RFC5: variants seen among roughly 807,000 people sequenced by gnomAD.
The protein encoded by RFC5 is A1 36 kDa subunit.
In RFC5, 26 loss-of-function variants were observed where a neutral mutation model predicts 44.3. The ratio of observed to expected loss-of-function variants is 0.59; its 90% CI spans 0.43 to 0.81. The LOEUF is 0.81. RFC5 is among the 40% of genes least tolerant of loss of function. The pLI, the probability that RFC5 is intolerant of heterozygous loss-of-function variation, is 0.00. For synonymous variants in RFC5, 155 were observed against 155.2 expected, an observed-to-expected ratio of 1.00 and a Z score of 0.01; for missense variants, 328 against 418.6, an observed-to-expected ratio of 0.78 and a Z score of 1.89.
chr12:118,022,479 T>C, intron 5 of RFC5, 120 bp downstream of exon 5: 1 of 702,176 alleles, frequency 1.4e-6, no homozygotes, highest in South Asian at 1.7e-5. Context: ...TTTTTTCTTT[T>C]TTTGAGTCAG....
At chr12:118,038,585 T>A in the RFC5 span, among the ~76,000 whole-genome samples, 2 of 152,188 alleles carry the variant, frequency 1.3e-5, no homozygotes, top group Non-Finnish European at 1.5e-5. Context: ...AATCTATGAA[T>A]ATGATATTCT....
chr12:118,017,836 TG>T (rs1217912562), intron 1 of RFC5: 1 of 672,912 alleles, frequency 1.5e-6, no homozygotes, highest in East Asian at 2.8e-5. Flanking sequence ...AAGCCCATCC[TG>T]TAACCATTTT....
At chr12:118,017,741 G>A in intron 1 of RFC5, 1 of 674,892 alleles carries the variant, frequency 1.5e-6, no homozygotes, top group South Asian at 1.5e-5. Flanking sequence ...TGTGATCACA[G>A]CTCAGTGTAA....
Position 118,019,543 on chromosome 12 carries a change from TGAA to T in RFC5, c.131-86_131-84del. On this transcript the variant is annotated intron_variant, in intron 2 of 10. Coordinates refer to ENST00000454402, the MANE Select transcript of RFC5 (RefSeq NM_007370.7). This position sits in a 1 kb window ranked among gnomAD's most constrained non-coding sequence, Gnocchi z 4.2. ...CTCTGATTTGGACATTGAATTGGGTTGAAGAGCTTTCAGCCCAACTCAGGAGCC... is the reference window on the plus strand; with the variant it reads ...CTCTGATTTGGACATTGAATTGGGTTGAGCTTTCAGCCCAACTCAGGAGCC... 6.8e-7 allele frequency: 1 copy of T among 1,468,496 alleles called. No individual in the cohort carries two copies. The highest frequency in any genetic ancestry group is 9.4e-7 in the Non-Finnish European group (1 of 1,064,160). 91.0% of individuals were successfully genotyped at this position (1,468,496 alleles called of 1,614,324 possible).
chr12:118,021,822 TG>T (rs1172950529), intron 4 of RFC5, among the ~76,000 whole-genome samples: 1 of 151,524 alleles, frequency 6.6e-6, no homozygotes, highest in African/African-American at 2.4e-5. Context: ...CTGGGCATGG[TG>T]GTGGGCGCCT....
chr12:118,021,094 T>C (rs1332243486), intron 4 of RFC5, 109 bp downstream of exon 4: 1 of 604,478 alleles, frequency 1.7e-6, no homozygotes, highest in African/African-American at 1.9e-5. Context: ...AAAAAAAAAG[T>C]GACTTTGTCC....
chr12:118,018,173 A>C (rs1442412166), intron 1 of RFC5: 2 of 584,426 alleles, frequency 3.4e-6, no homozygotes, highest in South Asian at 2.2e-5. Flanking sequence ...TTATGGCTGA[A>C]TCATATTCCA....
chr12:118,018,132 G>A (rs776341998), intron 1 of RFC5: 49 of 636,436 alleles, frequency 7.7e-5, no homozygotes, highest in Non-Finnish European at 1.3e-4. Flanking sequence ...GTTCATGCAT[G>A]TTGCTGCTTG....
intron 6 of RFC5, 173 bp downstream of exon 6, chr12:118,025,183 G>T: frequency 1.9e-6 from 1 of 519,170 alleles, no homozygotes; most frequent in Non-Finnish European, 3.3e-6. Flanking sequence ...CTGTCTCAAG[G>T]CCATTCCTCA....
At chr12:118,034,509 T>C (rs2031454054), downstream of RFC5, 3 of 975,094 alleles carry the variant, frequency 3.1e-6, no homozygotes, top group South Asian at 1.8e-5. Flanking sequence ...TGTAAAATTG[T>C]GGTGCTGAAT....
At chr12:118,039,877 G>A in the RFC5 span, among the ~76,000 whole-genome samples, 1 of 151,706 alleles carries the variant, frequency 6.6e-6, no homozygotes, top group Non-Finnish European at 1.5e-5. Context: ...CCGAGTAGCT[G>A]GGATTACAGG....
Position 118,026,936 on chromosome 12 carries a change from C to T in RFC5, c.711C>T (p.Thr237=), listed in dbSNP as rs1253875416. 1 of 1,614,078 alleles carries T rather than the reference C, an allele frequency of 6.2e-7. No individual in the cohort carries two copies. The highest frequency in any genetic ancestry group is 8.5e-7 in the Non-Finnish European group (1 of 1,179,996). ...AGGTGACAGAGGAGACTGTCTACAC[C>T]TGCACCGGGCACCCGCTCAAGTCAG... ...FGKVTEETVY[T]CTGHPLKSDI... is the part of the protein sequence containing the mutation. The change falls in exon 8 of 11, where the codon ACC becomes ACT. Residue 237 remains threonine, a synonymous_variant. Coordinates refer to ENST00000454402, the MANE Select transcript of RFC5 (RefSeq NM_007370.7).
At chr12:118,017,041 C>T (rs1161596459) in intron 1 of RFC5, 149 bp downstream of exon 1, 2 of 673,538 alleles carry the variant, frequency 3.0e-6, no homozygotes, top group Non-Finnish European at 5.3e-6. Flanking sequence ...GCAGAGGTTT[C>T]CCCCGACACC....
chr12:118,035,043 G>C (rs2031475097), downstream of RFC5: 1 of 1,614,064 alleles, frequency 6.2e-7, no homozygotes, highest in Non-Finnish European at 8.5e-7. Context: ...ATTGGTCATA[G>C]GAGCAAATGC....
chr12:118,022,569 A>T (rs917433567), intron 5 of RFC5, among the ~76,000 whole-genome samples: 1 of 151,690 alleles, frequency 6.6e-6, no homozygotes, highest in Admixed American at 6.6e-5. Flanking sequence ...GGTTCAAGCG[A>T]TTCTCTGACC....
intron 1 of RFC5, chr12:118,018,169 C>T: frequency 1.7e-6 from 1 of 589,924 alleles, no homozygotes; most frequent in Non-Finnish European, 3.1e-6. Flanking sequence ...CTTGTTATGG[C>T]TGAATCATAT....
chr12:118,028,492 AAACAAAAC>A (rs1593452005), intron 9 of RFC5, among the ~76,000 whole-genome samples: 1 of 151,172 alleles, frequency 6.6e-6, no homozygotes. Flanking sequence ...TCAAAAAAAA[AAACAAAAC>A]AAAACACAAA....
rs994764905 is a variant in RFC5, at chr12:118,027,849, TAA to T, written c.794-101_794-100del. On this transcript the variant is annotated intron_variant, in intron 8 of 10. Transcript: ENST00000454402. Reference sequence around the variant, plus strand: ...GAAAGAGAAACAGTTGTGTTGGGATTAAAAGCCTTACTTTAAAAAGTCTCTTG... The same window carrying T: ...GAAAGAGAAACAGTTGTGTTGGGATTAAGCCTTACTTTAAAAAGTCTCTTG... 1.2e-5 allele frequency: 9 copies of T among 729,210 alleles called. No individual in the cohort carries two copies. In the African/African-American group the frequency reaches 1.6e-4, roughly 13 times the overall value. 45.2% of individuals were successfully genotyped at this position (729,210 alleles called of 1,614,324 possible).
At chr12:118,023,440 G>A (rs866076081) in intron 5 of RFC5, among the ~76,000 whole-genome samples, 2 of 82,398 alleles carry the variant, frequency 2.4e-5, no homozygotes, top group African/African-American at 9.6e-5. Context: ...AGAGGAGGGG[G>A]TGAGGAGGAG....
Sources: allele counts gnomAD v4.1 joint callset (sites outside exome capture counted in the v4.1 genomes callset), GRCh38; gene constraint gnomAD v4.1.1; non-coding constraint Gnocchi (gnomAD v3.1); transcripts MANE v1.5; gene names NCBI Gene and HGNC (gene_info 2026-07-23, HGNC 2026-07-21).